The following NCAM1 variants were observed in gnomAD, a reference collection of about 807,000 sequenced individuals.
NCAM1 encodes the protein antigen recognized by monoclonal antibody 5.1H11.
Under a neutral mutation model 109.8 loss-of-function variants are expected in NCAM1, and 14 were observed. The observed-to-expected ratio is 0.13, with a 90% CI of 0.08 to 0.20. The LOEUF (loss-of-function observed/expected upper bound fraction) is 0.20. NCAM1 is among the 10% of genes least tolerant of loss of function. The pLI, the probability that NCAM1 is intolerant of heterozygous loss-of-function variation, is 1.00. For synonymous variants in NCAM1, 418 were observed against 442.9 expected, an observed-to-expected ratio of 0.94 and a Z score of 0.70; for missense variants, 774 against 1,109.9, an observed-to-expected ratio of 0.70 and a Z score of 4.30.
At position 113,004,085 on chromosome 11, in the gene NCAM1, G is replaced by A. The variant is rs146030183; in HGVS notation, c.52+42421G>A. ...CAACCGTGGAAAAACAATTAGATGC[G>A]TTTTAATATAGAAGCAGCTATTTGA... On this transcript the variant is annotated intron_variant, in intron 1 of 19. Transcript: ENST00000316851. Among the ~76,000 whole-genome samples, 453 of 152,294 alleles carry A rather than the reference G, an allele frequency of 3.0e-3. 2 individuals are homozygous for A. The highest frequency in any genetic ancestry group is 9.7e-3 in the African/African-American group (404 of 41,560).
intron 1 of NCAM1, among the ~76,000 whole-genome samples, chr11:113,015,411 T>C (rs1952183144): frequency 6.6e-6 from 1 of 152,206 alleles, no homozygotes; most frequent in South Asian, 2.1e-4. Flanking sequence ...GGTGTAACCC[T>C]CTGATGCCAT....
rs536664756 is a variant in NCAM1 at position 113,040,166 on chromosome 11, A to G, written c.52+78502A>G. Among the ~76,000 whole-genome samples the G allele has an allele frequency of 3.9e-5, 6 of 152,022 alleles. No individual in the cohort carries two copies. In the East Asian group the frequency reaches 1.2e-3, roughly 29 times the overall value. On this transcript the variant is annotated intron_variant, in intron 1 of 19. Coordinates refer to ENST00000316851, the MANE Select transcript of NCAM1 (RefSeq NM_181351.5). The stretch of plus-strand genomic sequence containing the variant: ...TAAAAAAATAATAATTTTAAAATAA[A>G]TAAATAAAATTAATTGATGCGATAT...
chr11:113,264,198 C>A (rs782086095), intron 17 of NCAM1: 224 of 985,092 alleles, frequency 2.3e-4, no homozygotes, highest in Non-Finnish European at 1.7e-4. Flanking sequence ...TGAGCATCTC[C>A]ATGGAAGCTT....
chr11:113,224,786 G>C (rs1944789635), intron 9 of NCAM1, among the ~76,000 whole-genome samples: 1 of 152,222 alleles, frequency 6.6e-6, no homozygotes, highest in Non-Finnish European at 1.5e-5. Context: ...AATATTCGCT[G>C]TTCTGCAGCC....
intron 1 of NCAM1, among the ~76,000 whole-genome samples, chr11:113,044,230 G>A (rs942748242): frequency 2.0e-5 from 3 of 152,150 alleles, no homozygotes; most frequent in Non-Finnish European, 4.4e-5. Flanking sequence ...AACTTCTTCT[G>A]GGCATGGCAG....
chr11:113,076,307 C>T (rs1555086109), intron 1 of NCAM1, among the ~76,000 whole-genome samples: 1 of 152,230 alleles, frequency 6.6e-6, no homozygotes, highest in Non-Finnish European at 1.5e-5. Context: ...TTGCCAAACA[C>T]ACTCGCATTT....
chr11:113,146,271 A>T (rs1942013274), intron 1 of NCAM1, among the ~76,000 whole-genome samples: 1 of 152,230 alleles, frequency 6.6e-6, no homozygotes, highest in African/African-American at 2.4e-5. Context: ...TTTAAACATA[A>T]AATATGTGTG....
chr11:113,177,794 T>C (rs1465387625), intron 1 of NCAM1, among the ~76,000 whole-genome samples: 10 of 152,150 alleles, frequency 6.6e-5, no homozygotes, highest in African/African-American at 2.4e-4. Flanking sequence ...CAGATTTCAA[T>C]AGAGCCTGGA....
rs1161417430 is a variant in NCAM1 at position 113,270,220 on chromosome 11, G to A, written c.2164G>A (p.Gly722Arg). The stretch of plus-strand genomic sequence containing the variant: ...CAGCCCCACCTCAGGCCTGAGCACC[G>A]GGGCCATCGTGGGCATCCTCATCGT... ...NGSPTSGLST[G>R]AIVGILIVIF... Residue 722 changes from glycine to arginine, a missense_variant, in exon 18 of 20, where the codon GGG (glycine) becomes AGG (arginine). This residue lies in a region of NCAM1 where 523 missense variants were observed against 784.2 expected (regional missense o/e 0.67). Coordinates refer to ENST00000316851, the MANE Select transcript of NCAM1 (RefSeq NM_181351.5). 33 of 1,613,830 alleles carry A rather than the reference G, an allele frequency of 2.0e-5. No homozygotes were observed. Among genetic ancestry groups the A allele is most frequent in the African/African-American group, 6.7e-5 (5 of 74,924 alleles).
chr11:113,192,350 A>G (rs571816287), intron 1 of NCAM1, among the ~76,000 whole-genome samples: 1 of 152,348 alleles, frequency 6.6e-6, no homozygotes, highest in African/African-American at 2.4e-5. Flanking sequence ...CTTGCTCTAC[A>G]TTTTAGTAAT....
rs1473704284 is a variant in NCAM1, at chr11:113,278,271, A to G, written c.*2884A>G. ...TTAACATCCCTACCCAGCATTCTGT[A>G]CTTCGGGGGCCTTCTCTCTTGTTAT... On this transcript the variant is annotated 3_prime_UTR_variant, in exon 20 of 20. Coordinates refer to ENST00000316851, the MANE Select transcript of NCAM1 (RefSeq NM_181351.5). The G allele has an allele frequency of 2.6e-5, 4 of 152,150 alleles. No homozygotes were observed. The highest frequency in any genetic ancestry group is 3.8e-4 in the East Asian group (2 of 5,198). The allele number at this position is 152,150 out of a possible 1,614,324, so 9.4% of individuals were successfully genotyped here. A position where few individuals can be genotyped will look rare whatever the true frequency, so the allele number is the denominator to read the frequency against.
chr11:113,030,484 T>A (rs1000099720), intron 1 of NCAM1, among the ~76,000 whole-genome samples: 1 of 152,184 alleles, frequency 6.6e-6, no homozygotes, highest in Non-Finnish European at 1.5e-5. Context: ...AGAATTAAGA[T>A]GTTATCTCTC....
chr11:113,096,498 A>C (rs1158669922), intron 1 of NCAM1, among the ~76,000 whole-genome samples: 3 of 152,060 alleles, frequency 2.0e-5, no homozygotes, highest in African/African-American at 7.2e-5. Context: ...AGTGGGTTTG[A>C]AATGCCAACT....
chr11:113,229,243 A>G (rs1415070530), intron 9 of NCAM1, among the ~76,000 whole-genome samples: 1 of 140,536 alleles, frequency 7.1e-6, no homozygotes, highest in Non-Finnish European at 1.6e-5. Context: ...ACAAGAAAAA[A>G]TCAAACAACC....
chr11:113,220,824 T>C (rs1399183772), intron 8 of NCAM1, among the ~76,000 whole-genome samples: 4 of 152,002 alleles, frequency 2.6e-5, no homozygotes, highest in African/African-American at 7.2e-5. Context: ...TTGGCCAGCA[T>C]GGTCTCAATC....
rs544095048 is a variant in NCAM1, at chr11:113,118,887, A to G, written c.53-83492A>G. On this transcript the variant is annotated intron_variant, in intron 1 of 19. Coordinates refer to ENST00000316851, the MANE Select transcript of NCAM1 (RefSeq NM_181351.5). ...ACAAGTCAAGGATAGTGTTTCAAAT[A>G]CCAAAATCAAATGATTACAGGGCAC... Among the ~76,000 whole-genome samples, 16 of 152,194 alleles carry G rather than the reference A, an allele frequency of 1.1e-4. No homozygotes were observed. In the South Asian group the frequency reaches 3.1e-3, roughly 30 times the overall value.
At chr11:113,212,812 T>C (rs1944425708) in intron 7 of NCAM1, among the ~76,000 whole-genome samples, 1 of 152,208 alleles carries the variant, frequency 6.6e-6, no homozygotes, top group African/African-American at 2.4e-5. Flanking sequence ...TTCCTTCCAA[T>C]ACGAGTTGTA....
chr11:113,240,865 C>A, intron 14 of NCAM1: 2 of 1,598,978 alleles, frequency 1.3e-6, no homozygotes, highest in South Asian at 1.1e-5. Flanking sequence ...CATCTCTCTG[C>A]AGGTCACTTT....
intron 1 of NCAM1, among the ~76,000 whole-genome samples, chr11:113,058,411 G>T (rs1953791833): frequency 6.6e-6 from 1 of 152,182 alleles, no homozygotes; most frequent in East Asian, 1.9e-4. Flanking sequence ...GTTATGAGAG[G>T]AAGATTGATA....
Sources: allele counts gnomAD v4.1 joint callset (sites outside exome capture counted in the v4.1 genomes callset), GRCh38; gene constraint gnomAD v4.1.1; regional missense constraint gnomAD v4.1.1; transcripts MANE v1.5; gene names NCBI Gene and HGNC (gene_info 2026-07-23, HGNC 2026-07-21).